The following ST3GAL6 variants were observed in gnomAD, a reference collection of about 807,000 sequenced individuals.
ST3GAL6 encodes type 2 lactosamine alpha-2,3-sialyltransferase.
ST3GAL6 carries 31 observed loss-of-function variants against 40.5 expected under a neutral mutation model. The ratio of observed to expected loss-of-function variants is 0.77; its 90% CI spans 0.58 to 1.03. The LOEUF (loss-of-function observed/expected upper bound fraction) is 1.03. ST3GAL6 is among the 50% of genes least tolerant of loss of function. The pLI is 0.00. For synonymous variants in ST3GAL6, 129 were observed against 136.9 expected, an observed-to-expected ratio of 0.94 and a Z score of 0.40; for missense variants, 357 against 393.2, an observed-to-expected ratio of 0.91 and a Z score of 0.78.
intron 1 of ST3GAL6, among the ~76,000 whole-genome samples, chr3:98,735,402 A>G (rs1489364738): frequency 6.6e-6 from 1 of 152,150 alleles, no homozygotes; most frequent in African/African-American, 2.4e-5. Flanking sequence ...CTTTTTGAAT[A>G]GGTGGTCTGC....
intron 1 of ST3GAL6, among the ~76,000 whole-genome samples, chr3:98,755,392 T>C (rs180963991): frequency 1.2e-4 from 19 of 152,268 alleles, no homozygotes; most frequent in Non-Finnish European, 2.9e-5. Flanking sequence ...AAAATGCAGC[T>C]AAATTGTGTG....
intron 1 of ST3GAL6, among the ~76,000 whole-genome samples, chr3:98,766,085 C>G (rs192681237): frequency 7.0e-4 from 107 of 152,324 alleles, no homozygotes; most frequent in African/African-American, 2.5e-3. Context: ...TGTGCAGTAG[C>G]TGTTCAAGAG....
chr3:98,788,845 G>T (rs1940977147), intron 8 of ST3GAL6, among the ~76,000 whole-genome samples: 1 of 152,180 alleles, frequency 6.6e-6, no homozygotes, highest in African/African-American at 2.4e-5. Flanking sequence ...GCATGGCTTT[G>T]CAGGCTAAAA....
chr3:98,759,043 A>T, upstream of ST3GAL6, among the ~76,000 whole-genome samples: 1 of 152,350 alleles, frequency 6.6e-6, no homozygotes, highest in East Asian at 1.9e-4. Context: ...CTTAACACCT[A>T]ATTATGCTAC....
At chr3:98,735,404 G>T (rs939070460) in intron 1 of ST3GAL6, among the ~76,000 whole-genome samples, 2 of 152,142 alleles carry the variant, frequency 1.3e-5, no homozygotes, top group Admixed American at 1.3e-4. Flanking sequence ...TTTTGAATAG[G>T]TGGTCTGCGT....
chr3:98,783,052 A>G (rs1940322146), intron 5 of ST3GAL6: 2 of 234,016 alleles, frequency 8.5e-6, no homozygotes, highest in Non-Finnish European at 1.7e-5. Flanking sequence ...CCTGAATGTT[A>G]CGTGTGCACT....
At chr3:98,786,895 C>A (rs867537688) in intron 6 of ST3GAL6, among the ~76,000 whole-genome samples, 1 of 151,130 alleles carries the variant, frequency 6.6e-6, no homozygotes, top group East Asian at 1.9e-4. Flanking sequence ...GGGGAAAATA[C>A]GGACCTTTCT....
At chr3:98,766,445 G>A (rs575387270) in intron 1 of ST3GAL6, among the ~76,000 whole-genome samples, 14 of 123,564 alleles carry the variant, frequency 1.1e-4, no homozygotes, top group African/African-American at 5.0e-4. Flanking sequence ...TTTGGGAAAG[G>A]GAGTCTCACT....
At chr3:98,781,108 GA>G (rs1266989496) in intron 5 of ST3GAL6, among the ~76,000 whole-genome samples, 1 of 152,166 alleles carries the variant, frequency 6.6e-6, no homozygotes, top group South Asian at 2.1e-4. Flanking sequence ...ATTGAATAAA[GA>G]AAATGTGACA....
intron 3 of ST3GAL6, chr3:98,772,485 G>T (rs1939099034): frequency 6.2e-6 from 1 of 162,478 alleles, no homozygotes; most frequent in South Asian, 1.7e-4. Context: ...ATATTACTTT[G>T]TTTTTTCCTA....
chr3:98,782,593 C>A, intron 5 of ST3GAL6: 1 of 512,974 alleles, frequency 1.9e-6, no homozygotes. Flanking sequence ...AGCACTGTCC[C>A]TGGGGTCATC....
rs142419382 is a variant in ST3GAL6, at chr3:98,742,101, A to G, written c.-12+9569A>G. On this transcript the variant is annotated intron_variant, in intron 1 of 9. Transcript: ENST00000265261. ...ATTTTACACAATTATGTGTATGACAATGTACAAATACATTTTCATCAATAT... is the reference window on the plus strand; with the variant it reads ...ATTTTACACAATTATGTGTATGACAGTGTACAAATACATTTTCATCAATAT... 9.2e-3 allele frequency among the ~76,000 whole-genome samples: 1,400 copies of G among 152,292 alleles called. 20 individuals carry two copies. The highest frequency in any genetic ancestry group is 0.015 in the Non-Finnish European group (1,019 of 68,014).
chr3:98,763,002 C>T (rs1406686336), upstream of ST3GAL6: 1 of 985,264 alleles, frequency 1.0e-6, no homozygotes, highest in Non-Finnish European at 1.2e-6. Flanking sequence ...TTTGGACTAC[C>T]TAATTAGTAA....
intron 1 of ST3GAL6, among the ~76,000 whole-genome samples, chr3:98,743,211 G>C (rs1481537248): frequency 6.6e-6 from 1 of 151,312 alleles, no homozygotes; most frequent in East Asian, 1.9e-4. Flanking sequence ...CTGGAGATGG[G>C]GTTTCACCAT....
At chr3:98,746,899 A>T (rs1936602655) in intron 1 of ST3GAL6, among the ~76,000 whole-genome samples, 1 of 152,194 alleles carries the variant, frequency 6.6e-6, no homozygotes, top group Admixed American at 6.5e-5. Flanking sequence ...AATGTCTTTG[A>T]GGTAACATTT....
At chr3:98,766,922 A>T (rs553952482) in intron 1 of ST3GAL6, among the ~76,000 whole-genome samples, 1 of 152,280 alleles carries the variant, frequency 6.6e-6, no homozygotes, top group African/African-American at 2.4e-5. Flanking sequence ...TCCCCACACC[A>T]TATGTAGAGT....
chr3:98,768,572 C>A (rs775895415), intron 2 of ST3GAL6, 43 bp downstream of exon 2: 1 of 1,416,474 alleles, frequency 7.1e-7, no homozygotes, highest in South Asian at 1.2e-5. Flanking sequence ...TCAACCTAGT[C>A]TTTCACACAA....
chr3:98,769,008 T>G (rs1290422456), intron 2 of ST3GAL6, among the ~76,000 whole-genome samples: 1 of 152,250 alleles, frequency 6.6e-6, no homozygotes, highest in Non-Finnish European at 1.5e-5. Flanking sequence ...GAGGCACAGA[T>G]AGTTTTACTG....
chr3:98,786,735 A>C (rs1940755509), intron 6 of ST3GAL6, among the ~76,000 whole-genome samples: 2 of 150,774 alleles, frequency 1.3e-5, no homozygotes, highest in Non-Finnish European at 3.0e-5. Flanking sequence ...GCACTATAGT[A>C]CATTGGTTAA....
Sources: gnomAD v4.1 joint callset for allele counts (sites outside exome capture counted in the v4.1 genomes callset) on GRCh38, gnomAD v4.1.1 for gene constraint, MANE v1.5 for transcripts, NCBI Gene and HGNC (gene_info 2026-07-23, HGNC 2026-07-21) for gene names.